Variants in SCAI observed in about 807,000 individuals in gnomAD.
The protein encoded by SCAI is protein SCAI.
SCAI carries 24 observed loss-of-function variants against 92.2 expected under a neutral mutation model. The ratio of observed to expected loss-of-function variants is 0.26; its 90% confidence interval spans 0.19 to 0.37. SCAI has a LOEUF of 0.37. Ranked by LOEUF, SCAI falls within the 10% of genes least tolerant of loss-of-function variation. The probability of loss-of-function intolerance (pLI) is 1.00; values close to 1 mark genes in which losing one functional copy is unlikely to be tolerated. For synonymous variants in SCAI, 261 were observed against 258.6 expected (o/e 1.01, Z -0.09); for missense variants, 450 against 736.2 (o/e 0.61, Z 4.50).
intron 2 of SCAI, among the ~76,000 whole-genome samples, chr9:125,072,598 C>A (rs953569588): frequency 6.6e-6 from 1 of 152,048 alleles, no homozygotes; most frequent in South Asian, 2.1e-4. Context: ...GTATTGAATA[C>A]ATCCATAGCA....
chr9:124,944,987 T>C lies in SCAI; in HGVS notation c.*7820A>G, dbSNP rs1005522964. The stretch of plus-strand genomic sequence containing the variant: ...GAAAGTGATATCCTATTAGCTTTCA[T>C]TCCATAAGCCTAGGAGAAAAGTATA... On this transcript the variant is annotated 3_prime_UTR_variant, in exon 18 of 18. Coordinates refer to ENST00000336505, the MANE Select transcript of SCAI (RefSeq NM_001144877.3). 6 of 152,176 alleles carry C rather than the reference T, an allele frequency of 3.9e-5. No individual in the cohort carries two copies. The highest frequency in any genetic ancestry group is 8.8e-5 in the Non-Finnish European group (6 of 68,018). The allele number at this position is 152,176 out of a possible 1,614,324, so 9.4% of individuals were successfully genotyped here. A position where few individuals can be genotyped will look rare whatever the true frequency, so the allele number is the denominator to read the frequency against.
chr9:125,090,658 C>G (rs1019838180), intron 2 of SCAI, among the ~76,000 whole-genome samples: 5 of 152,158 alleles, frequency 3.3e-5, no homozygotes, highest in African/African-American at 1.2e-4. Flanking sequence ...CACATCTACT[C>G]TTACACTCCT....
At chr9:125,009,539 T>C (rs1588149102) in intron 9 of SCAI, among the ~76,000 whole-genome samples, 1 of 151,800 alleles carries the variant, frequency 6.6e-6, no homozygotes, top group South Asian at 2.1e-4. Flanking sequence ...CCAAAGTGCA[T>C]GAGCCACCAT....
intron 3 of SCAI, among the ~76,000 whole-genome samples, chr9:125,032,709 G>A (rs1051220861): frequency 6.6e-6 from 1 of 151,584 alleles, no homozygotes; most frequent in Non-Finnish European, 1.5e-5. Context: ...CGCCTCCTGG[G>A]TTCAAGTGAT....
chr9:125,004,756 TATATATATATATATATATA>T lies in SCAI; in HGVS notation c.862-1205_862-1187del, dbSNP rs1564374544. 7.8e-3 allele frequency among the ~76,000 whole-genome samples: 73 copies of T among 9,366 alleles called. 1 individual carries two copies. The highest frequency in any genetic ancestry group is 0.017 in the Non-Finnish European group (57 of 3,428). The allele number at this position is 9,366 out of a possible 152,430, so 6.1% of individuals were successfully genotyped here. On this transcript the variant is annotated intron_variant, in intron 9 of 17. Transcript: ENST00000336505. The stretch of plus-strand genomic sequence containing the variant: ...ATCCATATATATATATATATATATA[TATATATATATATATATATA>T]TATATTTTTTTTTTTTTTTTTTTTT...
At chr9:124,971,296 C>T (rs1831654248) in intron 17 of SCAI, 74 bp downstream of exon 17, 1 of 717,720 alleles carries the variant, frequency 1.4e-6, no homozygotes, top group South Asian at 2.2e-5. Context: ...TTATTTTATA[C>T]AGGTAAAATA....
intron 17 of SCAI, among the ~76,000 whole-genome samples, chr9:124,955,796 A>G (rs1339647820): frequency 6.6e-6 from 1 of 152,190 alleles, no homozygotes; most frequent in Non-Finnish European, 1.5e-5. Context: ...TAAAAGGACA[A>G]TGGAAAATTA....
intron 2 of SCAI, among the ~76,000 whole-genome samples, chr9:125,115,765 C>T (rs1835033004): frequency 6.6e-6 from 1 of 152,194 alleles, no homozygotes; most frequent in African/African-American, 2.4e-5. Context: ...ATAATTTATT[C>T]TTCCAATAGG....
At chr9:125,124,086 G>A (rs1835212830) in intron 2 of SCAI, among the ~76,000 whole-genome samples, 1 of 152,174 alleles carries the variant, frequency 6.6e-6, no homozygotes, top group East Asian at 1.9e-4. Context: ...CATGAAGATA[G>A]CCATTTCATG....
chr9:125,052,337 G>A (rs534054439), intron 3 of SCAI, among the ~76,000 whole-genome samples: 2 of 152,182 alleles, frequency 1.3e-5, no homozygotes, highest in East Asian at 1.9e-4. Context: ...TTGGGAGGTC[G>A]AGGCGGGTGG....
At chr9:125,044,704 C>T (rs775094311) in intron 3 of SCAI, among the ~76,000 whole-genome samples, 1 of 152,152 alleles carries the variant, frequency 6.6e-6, no homozygotes, top group Non-Finnish European at 1.5e-5. Context: ...CCCCCTTGCT[C>T]GCCACGTTGT....
intron 9 of SCAI, among the ~76,000 whole-genome samples, chr9:125,016,819 G>T (rs1832769776): frequency 6.6e-6 from 1 of 151,878 alleles, no homozygotes; most frequent in African/African-American, 2.4e-5. Context: ...CTCAAAATAG[G>T]ACACAAAAAA....
chr9:125,002,334 T>C (rs1253619249), intron 11 of SCAI, among the ~76,000 whole-genome samples: 3 of 152,152 alleles, frequency 2.0e-5, no homozygotes, highest in Non-Finnish European at 4.4e-5. Context: ...CCTGACTACA[T>C]GGCTACAAGA....
intron 2 of SCAI, among the ~76,000 whole-genome samples, chr9:125,068,403 G>A (rs1413129505): frequency 6.6e-6 from 1 of 152,146 alleles, no homozygotes; most frequent in East Asian, 1.9e-4. Flanking sequence ...GGGAAGCTGA[G>A]GCAGGAGGAT....
At chr9:124,970,442 G>C (rs909144605) in intron 17 of SCAI, among the ~76,000 whole-genome samples, 1 of 151,894 alleles carries the variant, frequency 6.6e-6, no homozygotes, top group African/African-American at 2.4e-5. Flanking sequence ...TTCAGGGCCG[G>C]GTGCAGTGGC....
intron 14 of SCAI, among the ~76,000 whole-genome samples, chr9:124,989,679 T>A (rs1832077090): frequency 6.7e-6 from 1 of 148,212 alleles, no homozygotes; most frequent in South Asian, 2.1e-4. Flanking sequence ...AGGTCAGGAG[T>A]TTGAGACCAG....
chr9:125,040,753 G>A (rs1833303594), intron 3 of SCAI, among the ~76,000 whole-genome samples: 1 of 151,908 alleles, frequency 6.6e-6, no homozygotes, highest in South Asian at 2.1e-4. Context: ...AGCCTCCTGA[G>A]TAGATGGGAT....
chr9:125,034,065 G>C (rs1435821632), intron 3 of SCAI, among the ~76,000 whole-genome samples: 8 of 152,174 alleles, frequency 5.3e-5, no homozygotes, highest in Non-Finnish European at 1.2e-4. Context: ...AAACCAACAA[G>C]GAACACTTTA....
intron 9 of SCAI, among the ~76,000 whole-genome samples, chr9:125,006,726 G>A (rs977226571): frequency 6.6e-6 from 1 of 152,130 alleles, no homozygotes; most frequent in African/African-American, 2.4e-5. Flanking sequence ...TCCTGACCTC[G>A]TAATCTGCCC....
Sources: allele counts gnomAD v4.1 joint callset (sites outside exome capture counted in the v4.1 genomes callset), GRCh38; gene constraint gnomAD v4.1.1; transcripts MANE v1.5; gene names NCBI Gene and HGNC (gene_info 2026-07-23, HGNC 2026-07-21).